The following KIF26B variants were observed in gnomAD, a reference collection of about 807,000 sequenced individuals.
KIF26B encodes kinesin family member 26B.
KIF26B carries 63 observed loss-of-function variants against 151.2 expected under a neutral mutation model. The ratio of observed to expected loss-of-function variants is 0.42; its 90% CI spans 0.34 to 0.51. The LOEUF (loss-of-function observed/expected upper bound fraction) is 0.51. KIF26B is among the 20% of genes least tolerant of loss of function. KIF26B has a pLI of 0.07. For synonymous variants in KIF26B, 1,357 were observed against 1,262.1 expected (o/e 1.08, Z -1.59); for missense variants, 2,813 against 2,913.6 (o/e 0.97, Z 0.79).
At chr1:245,585,514 C>T (rs1558225357) in intron 5 of KIF26B, among the ~76,000 whole-genome samples, 1 of 151,330 alleles carries the variant, frequency 6.6e-6, no homozygotes, top group Non-Finnish European at 1.5e-5. Flanking sequence ...CCAGGGCTGC[C>T]GTTCCTTCTC....
At chr1:245,683,881 T>C (rs2044471905) in intron 10 of KIF26B, among the ~76,000 whole-genome samples, 1 of 152,050 alleles carries the variant, frequency 6.6e-6, no homozygotes, top group Non-Finnish European at 1.5e-5. Flanking sequence ...GCAAGCCGAG[T>C]CACCAGGCAC....
chr1:245,579,831 A>G (rs2043157453), intron 5 of KIF26B, among the ~76,000 whole-genome samples: 1 of 151,888 alleles, frequency 6.6e-6, no homozygotes. Flanking sequence ...CTGGGCAACA[A>G]GAGTGAAACT....
At chr1:245,529,657 G>T (rs1198590810) in intron 4 of KIF26B, among the ~76,000 whole-genome samples, 1 of 152,142 alleles carries the variant, frequency 6.6e-6, no homozygotes, top group African/African-American at 2.4e-5. Context: ...TAGTTACTTG[G>T]CTTTAAACAA....
Position 245,244,462 on chromosome 1 carries a change from G to A in KIF26B, c.465+87779G>A, listed in dbSNP as rs899695544. On this transcript the variant is annotated intron_variant, in intron 2 of 14. Coordinates refer to ENST00000407071, the MANE Select transcript of KIF26B (RefSeq NM_018012.4). The surrounding 1 kb of genome is among the most constrained non-coding windows in gnomAD (Gnocchi z 4.2). ...TGCTTTTAAAGTTCTGTGACTATGGGATGGCACTCTAAGCTTCAGCTGCAG... is the reference window on the plus strand; with the variant it reads ...TGCTTTTAAAGTTCTGTGACTATGGAATGGCACTCTAAGCTTCAGCTGCAG... Among the ~76,000 whole-genome samples, 1 of 152,108 alleles carries A rather than the reference G, an allele frequency of 6.6e-6. No individual in the cohort carries two copies. Among genetic ancestry groups the A allele is most frequent in the African/African-American group, 2.4e-5 (1 of 41,426 alleles).
chr1:245,327,530 C>T lies in KIF26B; in HGVS notation c.466-39304C>T, dbSNP rs114732532. Among the ~76,000 whole-genome samples the T allele has an allele frequency of 4.4e-3, 667 of 152,292 alleles. 4 individuals are homozygous for T. Among genetic ancestry groups the T allele is most frequent in the African/African-American group, 0.015 (627 of 41,564 alleles). ...ATTCGACATCTGTCAGAGGAGGCAG[C>T]GGAAGTTCTTTCTCTGGGATCCATG... On this transcript the variant is annotated intron_variant, in intron 2 of 14. Coordinates refer to ENST00000407071, the MANE Select transcript of KIF26B (RefSeq NM_018012.4).
chr1:245,518,073 T>C (rs963957721), intron 4 of KIF26B, among the ~76,000 whole-genome samples: 1 of 152,030 alleles, frequency 6.6e-6, no homozygotes, highest in Non-Finnish European at 1.5e-5. Flanking sequence ...GGGTTCACCA[T>C]CTTGGCCAGG....
At position 245,318,243 on chromosome 1, in the gene KIF26B, A is replaced by AAATC. The variant is rs1671816845; in HGVS notation, c.466-48585_466-48582dup. 6.6e-6 allele frequency among the ~76,000 whole-genome samples: 1 copy of AAATC among 152,202 alleles called. No homozygotes were observed. The highest frequency in any genetic ancestry group is 2.1e-4 in the South Asian group (1 of 4,832). On this transcript the variant is annotated intron_variant, in intron 2 of 14. Coordinates refer to ENST00000407071, the MANE Select transcript of KIF26B (RefSeq NM_018012.4). The surrounding 1 kb of genome is among the most constrained non-coding windows in gnomAD (Gnocchi z 4.0). ...CAGACAGGGCACTGTAAGACAAAAC[A>AAATC]AATCAATCAGTCAACGTCAACTCTT...
intron 5 of KIF26B, among the ~76,000 whole-genome samples, chr1:245,568,176 CTCCAT>C: frequency 1.1e-5 from 1 of 92,142 alleles, no homozygotes; most frequent in East Asian, 4.0e-4. Flanking sequence ...CAGAGTGAAA[CTCCAT>C]CTCAAAAAAA....
chr1:245,520,430 C>T (rs35344119), intron 4 of KIF26B, among the ~76,000 whole-genome samples: 3 of 152,312 alleles, frequency 2.0e-5, no homozygotes, highest in Non-Finnish European at 4.4e-5. Flanking sequence ...ACATGATAGC[C>T]TGAAGAAACC....
intron 2 of KIF26B, among the ~76,000 whole-genome samples, chr1:245,209,661 G>T (rs943181616): frequency 5.9e-5 from 9 of 152,182 alleles, no homozygotes; most frequent in Non-Finnish European, 1.5e-5. Flanking sequence ...GGTGGAGGTT[G>T]AGCATTTCAG....
chr1:245,404,457 C>A (rs1355080330), intron 3 of KIF26B, among the ~76,000 whole-genome samples: 1 of 152,010 alleles, frequency 6.6e-6, no homozygotes, highest in Admixed American at 6.5e-5. Context: ...CTCGCTGGTT[C>A]CGGTTTATTA....
intron 2 of KIF26B, among the ~76,000 whole-genome samples, chr1:245,228,234 C>T (rs1271611802): frequency 6.6e-6 from 1 of 152,306 alleles, no homozygotes; most frequent in African/African-American, 2.4e-5. Context: ...TTGATCATTC[C>T]CTGCACTTGT....
At chr1:245,514,556 A>C (rs1315061071) in intron 4 of KIF26B, among the ~76,000 whole-genome samples, 2 of 152,002 alleles carry the variant, frequency 1.3e-5, no homozygotes, top group African/African-American at 4.8e-5. Flanking sequence ...TAATAATAAA[A>C]TAAAAAATAG....
chr1:245,586,972 C>A (rs1198910494), intron 5 of KIF26B, among the ~76,000 whole-genome samples: 11 of 151,972 alleles, frequency 7.2e-5, no homozygotes, highest in Admixed American at 5.9e-4. Flanking sequence ...ACTTCTCATG[C>A]ATTATCTCAT....
At chr1:245,421,588 G>A (rs766323043) in intron 4 of KIF26B, among the ~76,000 whole-genome samples, 6 of 152,210 alleles carry the variant, frequency 3.9e-5, no homozygotes, top group Non-Finnish European at 5.9e-5. Context: ...GACTTCCGAC[G>A]TGCCTTTCTA....
intron 2 of KIF26B, among the ~76,000 whole-genome samples, chr1:245,274,272 C>A (rs962306172): frequency 8.6e-5 from 13 of 151,858 alleles, no homozygotes; most frequent in Non-Finnish European, 1.8e-4. Context: ...ATGTGCAGAA[C>A]CTGCAGGTTT....
intron 3 of KIF26B, among the ~76,000 whole-genome samples, chr1:245,391,040 A>G (rs1572038492): frequency 6.6e-6 from 1 of 151,960 alleles, no homozygotes; most frequent in East Asian, 1.9e-4. Context: ...TTCCAATACT[A>G]AAATATTTTT....
At chr1:245,211,647 C>G (rs899461074) in intron 2 of KIF26B, among the ~76,000 whole-genome samples, 2 of 152,206 alleles carry the variant, frequency 1.3e-5, no homozygotes, top group African/African-American at 4.8e-5. Context: ...ATCCTCCTGC[C>G]TCAGCCTCTA....
In KIF26B at chr1:245,685,767, G is replaced by A; in HGVS notation, c.2784G>A (p.Glu928=). The part of the protein sequence containing the change: ...RDCLKCNTFA[E]LQERLDCIDG... ...GCCTGAAGTGCAACACGTTTGCCGA[G>A]CTGCAGGAGAGGCTGGACTGCATCG... Residue 928 remains glutamate, a synonymous_variant, in exon 12 of 15, where the codon GAG becomes GAA. Coordinates refer to ENST00000407071, the MANE Select transcript of KIF26B (RefSeq NM_018012.4). 1.2e-6 allele frequency: 2 copies of A among 1,612,250 alleles called. No homozygotes were observed. Among genetic ancestry groups the A allele is most frequent in the Non-Finnish European group, 1.7e-6 (2 of 1,179,320 alleles).
Sources: allele counts gnomAD v4.1 joint callset (sites outside exome capture counted in the v4.1 genomes callset), GRCh38; gene constraint gnomAD v4.1.1; non-coding constraint Gnocchi (gnomAD v3.1); transcripts MANE v1.5; gene names NCBI Gene and HGNC (gene_info 2026-07-23, HGNC 2026-07-21).